The following OR52N2 variants were observed in gnomAD, a reference collection of about 807,000 sequenced individuals.
OR52N2 encodes olfactory receptor 52N2.
For synonymous variants in OR52N2, 129 were observed against 72.0 expected, an observed-to-expected ratio of 1.79 and a Z score of -4.01; for missense variants, 326 against 196.6, an observed-to-expected ratio of 1.66 and a Z score of -3.94.
intron 1 of OR52N2, among the ~76,000 whole-genome samples, chr11:5,810,531 G>A (rs539746117): frequency 2.7e-3 from 418 of 152,302 alleles, no homozygotes; most frequent in African/African-American, 9.6e-3. Flanking sequence ...AGTATGAGAT[G>A]TAATGTCACA....
chr11:5,815,483 A>T (rs1846397011), intron 1 of OR52N2, among the ~76,000 whole-genome samples: 1 of 152,160 alleles, frequency 6.6e-6, no homozygotes, highest in Admixed American at 6.5e-5. Flanking sequence ...GACACTGGAC[A>T]TCAGTAATCA....
intron 1 of OR52N2, among the ~76,000 whole-genome samples, chr11:5,820,078 A>T (rs1234175592): frequency 1.3e-5 from 2 of 152,214 alleles, no homozygotes; most frequent in Non-Finnish European, 2.9e-5. Context: ...ATAGTTAATC[A>T]AAGTTTGCAA....
chr11:5,820,563 C>T lies in OR52N2; in HGVS notation c.228C>T (p.Cys76=), dbSNP rs754828790. 8 of 780,538 alleles carry T rather than the reference C, an allele frequency of 1.0e-5. No individual in the cohort carries two copies. The highest frequency in any genetic ancestry group is 1.7e-5 in the Non-Finnish European group (7 of 418,028). The allele number at this position is 780,538 out of a possible 1,614,324, so 48.4% of individuals were successfully genotyped here. A position where few individuals can be genotyped will look rare whatever the true frequency, so the allele number is the denominator to read the frequency against. ...TCTCCTTCACTGATGTCACCTTGTG[C>T]ACCACCATGGTACCTAATATGCTGT... ...ALLSFTDVTL[C]TTMVPNMLCI... The change falls in exon 2 of 2, where the codon TGC becomes TGT. Residue 76 remains cysteine (C), a synonymous_variant. Coordinates refer to ENST00000317037, the MANE Select transcript of OR52N2 (RefSeq NM_001005174.3).
rs1352840896 is a variant in OR52N2, at chr11:5,820,595, T to A, written c.260T>A (p.Phe87Tyr). Residue 87 changes from phenylalanine to tyrosine, a missense_variant, in exon 2 of 2, where the codon TTC (phenylalanine) becomes TAC (tyrosine). By Grantham distance (22) the Phe-to-Tyr change is conservative. Transcript: ENST00000317037. The stretch of plus-strand genomic sequence containing the variant: ...ATGGTACCTAATATGCTGTGCATAT[T>A]CTGGTTCAACCTCAAGGAGATTGAC... ...TTMVPNMLCI[F>Y]WFNLKEIDFN... The A allele has an allele frequency of 3.8e-6, 3 of 781,876 alleles. No homozygotes were observed. Among genetic ancestry groups the A allele is most frequent in the Non-Finnish European group, 7.2e-6 (3 of 419,026 alleles). 48.4% of individuals were successfully genotyped at this position (781,876 alleles called of 1,614,324 possible). A position where few individuals can be genotyped will look rare whatever the true frequency, so the allele number is the denominator to read the frequency against.
At chr11:5,813,557 A>G (rs11500473) in intron 1 of OR52N2, among the ~76,000 whole-genome samples, 68,511 of 152,024 alleles carry the variant, frequency 0.45, 17,007 homozygotes, top group Non-Finnish European at 0.56. Flanking sequence ...AAAATAAAAA[A>G]AATCCAGGAC....
chr11:5,812,455 A>C (rs1411297694), intron 1 of OR52N2, among the ~76,000 whole-genome samples: 1 of 142,358 alleles, frequency 7.0e-6, no homozygotes, highest in Non-Finnish European at 1.5e-5. Flanking sequence ...AGATCCTGCC[A>C]CTGCACTCCA....
chr11:5,815,872 G>T (rs1373482300), intron 1 of OR52N2, among the ~76,000 whole-genome samples: 7 of 139,016 alleles, frequency 5.0e-5, no homozygotes, highest in African/African-American at 1.9e-4. Context: ...GCAAAATGTA[G>T]TATGTATGTG....
intron 1 of OR52N2, among the ~76,000 whole-genome samples, chr11:5,816,467 T>C (rs971985535): frequency 4.6e-5 from 7 of 152,158 alleles, no homozygotes; most frequent in Non-Finnish European, 8.8e-5. Context: ...AAGAACTGCA[T>C]AGGAGGTCTT....
intron 1 of OR52N2, among the ~76,000 whole-genome samples, chr11:5,816,397 A>T (rs1016528717): frequency 1.3e-5 from 2 of 152,184 alleles, no homozygotes; most frequent in Non-Finnish European, 2.9e-5. Context: ...AACCAAACAC[A>T]ATACAAATAT....
rs1186757866 is a variant in OR52N2 at position 5,821,292 on chromosome 11, T to C, written c.957T>C (p.Tyr319=). The change falls in exon 2 of 2, where the codon TAT becomes TAC. Residue 319 remains tyrosine, a synonymous_variant. Coordinates refer to ENST00000317037, the MANE Select transcript of OR52N2 (RefSeq NM_001005174.3). ...FLLGDKVSFT[Y]DK ...TTGGAGACAAGGTTAGTTTTACCTA[T>C]GACAAATGAAACATAGAATAGACAT... The C allele has an allele frequency of 1.3e-6, 1 of 777,562 alleles. No individual in the cohort carries two copies. The highest frequency in any genetic ancestry group is 1.3e-5 in the South Asian group (1 of 74,268). 48.2% of individuals were successfully genotyped at this position (777,562 alleles called of 1,614,324 possible). A position where few individuals can be genotyped will look rare whatever the true frequency, so the allele number is the denominator to read the frequency against.
Position 5,821,372 on chromosome 11 carries a change from T to A in OR52N2, c.*71T>A, listed in dbSNP as rs1368295833. The A allele has an allele frequency of 1.5e-5, 10 of 673,554 alleles. No individual in the cohort carries two copies. Among genetic ancestry groups the A allele is most frequent in the Non-Finnish European group, 2.4e-5 (9 of 373,706 alleles). The allele number at this position is 673,554 out of a possible 1,614,324, so 41.7% of individuals were successfully genotyped here. On this transcript the variant is annotated 3_prime_UTR_variant, in exon 2 of 2. Transcript: ENST00000317037. ...GACAAAATTTCATAAAAGATGTGAA[T>A]AAAATGGTATTAAAATCATGACATG...
chr11:5,809,177 A>C (rs570141728), intron 1 of OR52N2, among the ~76,000 whole-genome samples, 123 bp downstream of exon 1: 14 of 152,326 alleles, frequency 9.2e-5, no homozygotes, highest in South Asian at 4.1e-4. Flanking sequence ...ACCAACACTT[A>C]GGCAAAAGTT....
chr11:5,809,916 T>C (rs996831941), intron 1 of OR52N2, among the ~76,000 whole-genome samples: 2 of 152,180 alleles, frequency 1.3e-5, no homozygotes, highest in African/African-American at 2.4e-5. Flanking sequence ...AGATACTGTA[T>C]TATGAGAAAG....
chr11:5,812,494 CAAAAAA>C (rs57515736), intron 1 of OR52N2, among the ~76,000 whole-genome samples: 2 of 104,086 alleles, frequency 1.9e-5, no homozygotes, highest in South Asian at 3.3e-4. Context: ...GACTCCATCT[CAAAAAA>C]AAAAAAAAAA....
At chr11:5,812,284 G>A (rs1470470202) in intron 1 of OR52N2, among the ~76,000 whole-genome samples, 1 of 150,988 alleles carries the variant, frequency 6.6e-6, no homozygotes, top group African/African-American at 2.4e-5. Flanking sequence ...CACGAGGTCA[G>A]GAGATCTAGA....
intron 1 of OR52N2, among the ~76,000 whole-genome samples, chr11:5,809,500 T>A (rs1846335115): frequency 6.6e-6 from 1 of 151,968 alleles, no homozygotes; most frequent in Admixed American, 6.6e-5. Context: ...CAGATGTGAG[T>A]TATTGATTAG....
chr11:5,811,200 G>T (rs1373020422), intron 1 of OR52N2, among the ~76,000 whole-genome samples: 1 of 151,930 alleles, frequency 6.6e-6, no homozygotes, highest in Admixed American at 6.6e-5. Flanking sequence ...TGCTAAAGCT[G>T]AAAAAACAGG....
At chr11:5,809,105 GCC>G (rs1846331925) in intron 1 of OR52N2, among the ~76,000 whole-genome samples, 51 bp downstream of exon 1, 1 of 152,144 alleles carries the variant, frequency 6.6e-6, no homozygotes, top group African/African-American at 2.4e-5. Flanking sequence ...TCCCAGATGA[GCC>G]CCCAGAGTTG....
intron 1 of OR52N2, among the ~76,000 whole-genome samples, chr11:5,816,998 AT>A (rs1846409884): frequency 6.6e-6 from 1 of 152,244 alleles, no homozygotes; most frequent in Non-Finnish European, 1.5e-5. Context: ...TAAATTTTTC[AT>A]TTAAATGAAA....
Sources: allele counts gnomAD v4.1 joint callset (sites outside exome capture counted in the v4.1 genomes callset), GRCh38; gene constraint gnomAD v4.1.1; transcripts MANE v1.5; gene names NCBI Gene and HGNC (gene_info 2026-07-23, HGNC 2026-07-21).